Variants in TOGARAM1 observed in about 807,000 individuals in gnomAD.
TOGARAM1 encodes the protein TOG array regulator of axonemal microtubules protein 1.
In TOGARAM1, 100 loss-of-function variants were observed where a neutral mutation model predicts 166.6. The ratio of observed to expected loss-of-function variants is 0.60; its 90% confidence interval spans 0.51 to 0.71. TOGARAM1 has a LOEUF of 0.71. TOGARAM1 is among the 30% of genes least tolerant of loss of function. The pLI, the probability that TOGARAM1 is intolerant of heterozygous loss-of-function variation, is 0.00. For synonymous variants in TOGARAM1, 758 were observed against 763.8 expected (o/e 0.99, Z 0.13); for missense variants, 2,029 against 2,102.7 (o/e 0.96, Z 0.69).
At chr14:45,001,728 T>C (rs999941319) in intron 3 of TOGARAM1, among the ~76,000 whole-genome samples, 2 of 152,172 alleles carry the variant, frequency 1.3e-5, no homozygotes, top group East Asian at 3.8e-4. Context: ...TTAAAGAGTG[T>C]TGTGTTAGCA....
At chr14:45,017,704 C>T (rs780139146) in intron 7 of TOGARAM1, among the ~76,000 whole-genome samples, 3 of 151,970 alleles carry the variant, frequency 2.0e-5, no homozygotes, top group African/African-American at 7.2e-5. Flanking sequence ...CCCAACATGG[C>T]GAAACCCCAT....
chr14:44,982,586 A>G (rs1477603388), intron 1 of TOGARAM1, among the ~76,000 whole-genome samples: 1 of 152,216 alleles, frequency 6.6e-6, no homozygotes, highest in Non-Finnish European at 1.5e-5. Context: ...GATTATTGGA[A>G]GGTCACTGGG....
intron 7 of TOGARAM1, among the ~76,000 whole-genome samples, chr14:45,014,602 G>C (rs1206946584): frequency 6.6e-6 from 1 of 151,950 alleles, no homozygotes; most frequent in African/African-American, 2.4e-5. Context: ...AAATGATAAC[G>C]CTCAGAATAA....
chr14:45,058,694 G>A (rs1296494028), intron 16 of TOGARAM1, among the ~76,000 whole-genome samples: 1 of 152,068 alleles, frequency 6.6e-6, no homozygotes. Context: ...TTTTTATCCA[G>A]TTTGCCAATC....
chr14:45,029,293 A>G (rs935078529), intron 10 of TOGARAM1, among the ~76,000 whole-genome samples: 2 of 152,208 alleles, frequency 1.3e-5, no homozygotes, highest in African/African-American at 2.4e-5. Flanking sequence ...GAAACTTCCT[A>G]CCTAACTTAG....
intron 7 of TOGARAM1, among the ~76,000 whole-genome samples, chr14:45,012,595 A>C (rs1879872062): frequency 6.6e-6 from 1 of 152,230 alleles, no homozygotes; most frequent in East Asian, 1.9e-4. Context: ...AGTCAATTAG[A>C]AAAAGATTTG....
intron 7 of TOGARAM1, among the ~76,000 whole-genome samples, chr14:45,016,649 G>A (rs974971037): frequency 3.3e-5 from 5 of 152,110 alleles, no homozygotes; most frequent in Non-Finnish European, 4.4e-5. Context: ...CTCCTGCCTC[G>A]GCCTCCTGAA....
intron 5 of TOGARAM1, 190 bp downstream of exon 5, chr14:45,006,457 G>T: frequency 2.1e-6 from 1 of 478,314 alleles, no homozygotes; most frequent in Non-Finnish European, 3.7e-6. Context: ...CCCACTACCA[G>T]AATAATTTAC....
In TOGARAM1 at chr14:44,962,353, T is replaced by C. The variant is rs778799546; in HGVS notation, c.-69T>C. The C allele has an allele frequency of 2.7e-6, 4 of 1,477,292 alleles. No individual in the cohort carries two copies. The highest frequency in any genetic ancestry group is 3.6e-6 in the Non-Finnish European group (4 of 1,116,800). 91.5% of individuals were successfully genotyped at this position (1,477,292 alleles called of 1,614,324 possible). On this transcript the variant is annotated 5_prime_UTR_variant, in exon 1 of 20. Coordinates refer to ENST00000361462, the MANE Select transcript of TOGARAM1 (RefSeq NM_001308120.2). Reference sequence around the variant, plus strand: ...TTGGGGCTTGGAGAGGATCTGGAAGTCTGGGCTCCATCGAGCCCTTTGGAG... The same window carrying C: ...TTGGGGCTTGGAGAGGATCTGGAAGCCTGGGCTCCATCGAGCCCTTTGGAG...
At chr14:45,068,837 TTC>T (rs1883253499) in intron 18 of TOGARAM1, among the ~76,000 whole-genome samples, 194 bp downstream of exon 18, 1 of 152,178 alleles carries the variant, frequency 6.6e-6, no homozygotes, top group African/African-American at 2.4e-5. Context: ...TAAATTGACT[TTC>T]TTTTCCCTTA....
chr14:45,025,734 A>G (rs766139333), intron 7 of TOGARAM1, 49 bp from the exon 8 acceptor site: 2 of 1,034,988 alleles, frequency 1.9e-6, no homozygotes, highest in Admixed American at 1.9e-5. Context: ...ATACTACATA[A>G]TAAGCAAATA....
chr14:45,019,388 A>G (rs1158254787), intron 7 of TOGARAM1, among the ~76,000 whole-genome samples: 2 of 152,078 alleles, frequency 1.3e-5, no homozygotes, highest in African/African-American at 4.8e-5. Flanking sequence ...AAATACAGTC[A>G]TTATCTCTTC....
intron 6 of TOGARAM1, among the ~76,000 whole-genome samples, chr14:45,010,654 G>A (rs1382362312): frequency 2.0e-5 from 3 of 152,154 alleles, no homozygotes; most frequent in African/African-American, 7.2e-5. Context: ...CCTCATTTAT[G>A]GACTGAAATG....
intron 7 of TOGARAM1, among the ~76,000 whole-genome samples, chr14:45,017,746 G>A (rs1880237138): frequency 6.6e-6 from 1 of 152,134 alleles, no homozygotes; most frequent in Non-Finnish European, 1.5e-5. Flanking sequence ...TTAGCTGAGC[G>A]TGGTGGCAGG....
chr14:45,037,642 A>C (rs1397889010), intron 11 of TOGARAM1, among the ~76,000 whole-genome samples: 2 of 152,188 alleles, frequency 1.3e-5, no homozygotes, highest in African/African-American at 2.4e-5. Context: ...TTAAGCAAAA[A>C]CTAATAGAAC....
Position 45,039,911 on chromosome 14 carries a change from C to T in TOGARAM1, c.3813-3775C>T, listed in dbSNP as rs541842272. 1.2e-3 allele frequency among the ~76,000 whole-genome samples: 176 copies of T among 152,282 alleles called. 1 individual carries two copies. Among genetic ancestry groups the T allele is most frequent in the African/African-American group, 4.0e-3 (168 of 41,562 alleles). ...AGCACACAGTCCCAGCGCACTTCCC[C>T]TGCCACAGCTGGTGTCTTCACAGCA... On this transcript the variant is annotated intron_variant, in intron 11 of 19. Coordinates refer to ENST00000361462, the MANE Select transcript of TOGARAM1 (RefSeq NM_001308120.2).
chr14:45,024,543 A>G (rs1484252807), intron 7 of TOGARAM1, among the ~76,000 whole-genome samples: 2 of 152,118 alleles, frequency 1.3e-5, no homozygotes, highest in Non-Finnish European at 2.9e-5. Flanking sequence ...TGTCTTTTAT[A>G]TTTTTTTGAT....
In TOGARAM1 at chr14:44,962,862, A is replaced by T. The variant is rs762706089; in HGVS notation, c.441A>T (p.Gly147=). The change falls in exon 1 of 20, where the codon GGA becomes GGT. Residue 147 remains glycine (G), a synonymous_variant. Coordinates refer to ENST00000361462, the MANE Select transcript of TOGARAM1 (RefSeq NM_001308120.2). Reference sequence around the variant, plus strand: ...CACTGGGCCGAGTGCTTGTGGAAGGAGGTAGTGATGAGAAGCGGCTCTGCT... The same window carrying T: ...CACTGGGCCGAGTGCTTGTGGAAGGTGGTAGTGATGAGAAGCGGCTCTGCT... ...YRALGRVLVE[G]GSDEKRLCLQ... The T allele has an allele frequency of 1.2e-6, 2 of 1,613,432 alleles. No individual in the cohort carries two copies. Among genetic ancestry groups the T allele is most frequent in the African/African-American group, 2.7e-5 (2 of 74,856 alleles).
chr14:44,992,743 G>A (rs1378866639), intron 1 of TOGARAM1, among the ~76,000 whole-genome samples: 6 of 146,794 alleles, frequency 4.1e-5, no homozygotes, highest in African/African-American at 1.3e-4. Flanking sequence ...TCAGCCTCCC[G>A]AGTAGCTGGG....
Sources: gnomAD v4.1 joint callset for allele counts (sites outside exome capture counted in the v4.1 genomes callset) on GRCh38, gnomAD v4.1.1 for gene constraint, MANE v1.5 for transcripts, NCBI Gene and HGNC (gene_info 2026-07-23, HGNC 2026-07-21) for gene names.